The following CFAP91 variants were observed in gnomAD, a reference collection of about 807,000 sequenced individuals.
CFAP91 encodes the protein cilia and flagella associated protein 91.
In CFAP91, 85 loss-of-function variants were observed where a neutral mutation model predicts 95.9. The ratio of observed to expected loss-of-function variants is 0.89; its 90% CI spans 0.74 to 1.06. The LOEUF is 1.06. Ranked by LOEUF, CFAP91 falls within the 50% of genes least tolerant of loss-of-function variation. The pLI is 0.00. For missense variants in CFAP91, 962 were observed against 943.4 expected (o/e 1.02, Z -0.26); for synonymous variants, 335 against 327.5 (o/e 1.02, Z -0.25).
chr3:119,763,105 TCAAA>T (rs1455749693), intron 17 of CFAP91, among the ~76,000 whole-genome samples: 1 of 151,822 alleles, frequency 6.6e-6, no homozygotes, highest in Non-Finnish European at 1.5e-5. Flanking sequence ...TGTGAGGAAC[TCAAA>T]CAACTCATTA....
At chr3:119,710,130 T>G (rs1451147461) in intron 5 of CFAP91, 1 of 494,020 alleles carries the variant, frequency 2.0e-6, no homozygotes, top group Non-Finnish European at 3.6e-6. Context: ...TTATAACTTT[T>G]GTTTCAGAAA....
rs150722964 is a variant in CFAP91, at chr3:119,751,056, A to G, written c.2263A>G (p.Met755Val). The G allele has an allele frequency of 2.7e-5, 43 of 1,610,566 alleles. No individual in the cohort carries two copies. Among genetic ancestry groups the G allele is most frequent in the Non-Finnish European group, 2.5e-5 (29 of 1,178,866 alleles). Residue 755 changes from methionine to valine, a missense_variant, in exon 17 of 18, where the codon ATG becomes GTG. By Grantham distance (21) the Met-to-Val change is conservative. Coordinates refer to ENST00000273390, the MANE Select transcript of CFAP91 (RefSeq NM_033364.4). The stretch of plus-strand genomic sequence containing the variant: ...GCAAGATGAGGCCTCAAATGCTGCC[A>G]TGTTACTTGAGAAAGAAACTCAAAA... The part of the protein sequence containing the change: ...GEQDEASNAA[M>V]LLEKETQNEN...
At chr3:119,764,981 G>A (rs1472775065) in intron 17 of CFAP91, 71 bp from the exon 18 acceptor site, 1 of 152,072 alleles carries the variant, frequency 6.6e-6, no homozygotes, top group Non-Finnish European at 1.5e-5. Flanking sequence ...GGAATTTTTT[G>A]CATGTATTGA....
At chr3:119,720,321 C>T (rs556119420) in intron 6 of CFAP91, among the ~76,000 whole-genome samples, 11 of 149,354 alleles carry the variant, frequency 7.4e-5, no homozygotes, top group South Asian at 2.1e-4. Context: ...GGCGTGAACC[C>T]GGGAGGCTCT....
At chr3:119,715,143 CT>C (rs1466957037) in intron 5 of CFAP91, among the ~76,000 whole-genome samples, 1 of 152,168 alleles carries the variant, frequency 6.6e-6, no homozygotes, top group East Asian at 1.9e-4. Context: ...ACCATCTCTT[CT>C]CTTTTCTCTG....
At chr3:119,747,435 T>C (rs2107908497) in intron 15 of CFAP91, 172 bp downstream of exon 15, 1 of 224,156 alleles carries the variant, frequency 4.5e-6, no homozygotes, top group South Asian at 1.6e-4. Context: ...TATGCCTCCG[T>C]ATGTATTCTC....
intron 14 of CFAP91, among the ~76,000 whole-genome samples, chr3:119,745,568 A>G (rs1453141628): frequency 2.0e-5 from 3 of 152,254 alleles, no homozygotes; most frequent in African/African-American, 4.8e-5. Flanking sequence ...ACAGGTACAT[A>G]TACAGCTATG....
At chr3:119,720,457 T>C (rs564070575) in intron 6 of CFAP91, among the ~76,000 whole-genome samples, 5 of 151,182 alleles carry the variant, frequency 3.3e-5, no homozygotes, top group Admixed American at 1.3e-4. Context: ...AAAATGTAAA[T>C]TACTAAGTTG....
chr3:119,731,259 T>C (rs2053890807), intron 8 of CFAP91, among the ~76,000 whole-genome samples: 1 of 152,170 alleles, frequency 6.6e-6, no homozygotes. Context: ...TAGTATCAAT[T>C]ACATGTGCAG....
At chr3:119,730,754 A>G (rs2053882140) in intron 8 of CFAP91, among the ~76,000 whole-genome samples, 2 of 151,944 alleles carry the variant, frequency 1.3e-5, no homozygotes, top group Admixed American at 6.6e-5. Context: ...GACATTTTAG[A>G]CATCCTTTTT....
At chr3:119,740,433 A>T (rs1449417127) in intron 12 of CFAP91, 116 bp from the exon 13 acceptor site, 24 of 1,205,994 alleles carry the variant, frequency 2.0e-5, no homozygotes, top group South Asian at 3.0e-5. Flanking sequence ...GGAACCCAAA[A>T]GGCAGGACAG....
intron 13 of CFAP91, among the ~76,000 whole-genome samples, chr3:119,741,027 T>C (rs971925689): frequency 6.6e-6 from 1 of 152,128 alleles, no homozygotes; most frequent in African/African-American, 2.4e-5. Context: ...AATTTCCGTA[T>C]TCTTAGTAGA....
intron 5 of CFAP91, among the ~76,000 whole-genome samples, chr3:119,714,501 A>G (rs1254554850): frequency 6.6e-6 from 1 of 152,156 alleles, no homozygotes; most frequent in Non-Finnish European, 1.5e-5. Flanking sequence ...AATGCTAGGT[A>G]CTTTCAGTCT....
intron 11 of CFAP91, 71 bp downstream of exon 11, chr3:119,737,553 G>C (rs1435812977): frequency 1.1e-6 from 1 of 936,666 alleles, no homozygotes; most frequent in Non-Finnish European, 1.6e-6. Context: ...GGATAGTTTA[G>C]CTTAAAGCAA....
Position 119,706,750 on chromosome 3 carries a change from T to C in CFAP91, c.125-59T>C. 3.9e-6 allele frequency: 5 copies of C among 1,289,828 alleles called. No individual in the cohort carries two copies. In the South Asian group the frequency reaches 6.0e-5, roughly 15 times the overall value. The allele number at this position is 1,289,828 out of a possible 1,614,324, so 79.9% of individuals were successfully genotyped here. On this transcript the variant is annotated intron_variant, in intron 1 of 17. Coordinates refer to ENST00000273390, the MANE Select transcript of CFAP91 (RefSeq NM_033364.4). ...AGAGATTACATTACTTTGCCATTAT[T>C]CTCAGCCTAGGGGTAGATATGTTCT...
intron 5 of CFAP91, among the ~76,000 whole-genome samples, chr3:119,712,704 C>T (rs2053494145): frequency 6.6e-6 from 1 of 152,276 alleles, no homozygotes; most frequent in East Asian, 1.9e-4. Context: ...CCTGTAATCT[C>T]AGCACTTTGG....
chr3:119,736,203 G>A (rs1343326725), intron 10 of CFAP91, among the ~76,000 whole-genome samples: 1 of 149,960 alleles, frequency 6.7e-6, no homozygotes, highest in Non-Finnish European at 1.5e-5. Context: ...ATGCCTAATA[G>A]TGCTCACTTC....
intron 6 of CFAP91, among the ~76,000 whole-genome samples, chr3:119,723,911 A>G (rs1009184913): frequency 1.3e-5 from 2 of 152,022 alleles, no homozygotes; most frequent in Admixed American, 6.6e-5. Flanking sequence ...TGTAATCCCA[A>G]CACTTTGGGA....
chr3:119,735,788 G>A (rs1004254632), intron 10 of CFAP91, among the ~76,000 whole-genome samples: 7 of 152,014 alleles, frequency 4.6e-5, no homozygotes, highest in South Asian at 4.2e-4. Context: ...CATTTCACTC[G>A]TCCAAGTGCT....
Sources: gnomAD v4.1 joint callset for allele counts (sites outside exome capture counted in the v4.1 genomes callset) on GRCh38, gnomAD v4.1.1 for gene constraint, MANE v1.5 for transcripts, NCBI Gene and HGNC (gene_info 2026-07-23, HGNC 2026-07-21) for gene names.